DOCK10: variants seen among roughly 807,000 people sequenced by gnomAD.
DOCK10 encodes the protein dedicator of cytokinesis 10.
DOCK10 carries 145 observed loss-of-function variants against 280.1 expected under a neutral mutation model. The observed-to-expected ratio is 0.52, with a 90% confidence interval of 0.45 to 0.59. The LOEUF (loss-of-function observed/expected upper bound fraction) is 0.59. Among genes scored for constraint, DOCK10 ranks in the 20% least tolerant of loss-of-function variants. The pLI, the probability that DOCK10 is intolerant of heterozygous loss-of-function variation, is 0.00. For missense variants in DOCK10, 2,368 were observed against 2,651.7 expected (o/e 0.89, Z 2.35); for synonymous variants, 915 against 942.2 (o/e 0.97, Z 0.53).
intron 45 of DOCK10, among the ~76,000 whole-genome samples, chr2:224,793,946 G>A (rs1006266116): frequency 2.0e-5 from 3 of 151,972 alleles, no homozygotes; most frequent in East Asian, 1.9e-4. Flanking sequence ...TGTAACACCC[G>A]TGCTCCCCAC....
At chr2:224,865,323 A>G (rs1466546458) in intron 11 of DOCK10, among the ~76,000 whole-genome samples, 1 of 152,180 alleles carries the variant, frequency 6.6e-6, no homozygotes, top group Non-Finnish European at 1.5e-5. Context: ...ATTTACATGC[A>G]TGGTTGGGCC....
At chr2:224,862,940 TTTC>T (rs1559593230) in intron 13 of DOCK10, among the ~76,000 whole-genome samples, 194 bp from the exon 14 acceptor site, 1 of 152,230 alleles carries the variant, frequency 6.6e-6, no homozygotes, top group Non-Finnish European at 1.5e-5. Flanking sequence ...TTTTTCTTTC[TTTC>T]TTCTTAGTTT....
chr2:224,952,875 A>G (rs1703837934), intron 1 of DOCK10, among the ~76,000 whole-genome samples: 1 of 152,144 alleles, frequency 6.6e-6, no homozygotes, highest in Non-Finnish European at 1.5e-5. Context: ...TACAGGCGTG[A>G]GCCACCGCGC....
chr2:224,775,550 A>C (rs1690788988), intron 51 of DOCK10, among the ~76,000 whole-genome samples: 3 of 152,074 alleles, frequency 2.0e-5, no homozygotes, highest in African/African-American at 7.2e-5. Flanking sequence ...ATCTCGGCTC[A>C]CTGCAACCTC....
At chr2:224,836,067 T>C (rs978119987) in intron 25 of DOCK10, among the ~76,000 whole-genome samples, 3 of 152,248 alleles carry the variant, frequency 2.0e-5, no homozygotes, top group African/African-American at 7.2e-5. Flanking sequence ...CGGAGGGTTC[T>C]TAATGTAATT....
intron 7 of DOCK10, among the ~76,000 whole-genome samples, chr2:224,876,655 G>T (rs543694483): frequency 3.3e-5 from 5 of 152,134 alleles, no homozygotes; most frequent in Non-Finnish European, 7.4e-5. Flanking sequence ...ACTATCTTAA[G>T]GACTATTTCT....
intron 22 of DOCK10, among the ~76,000 whole-genome samples, chr2:224,842,575 G>A (rs541951461): frequency 6.6e-6 from 1 of 152,220 alleles, no homozygotes; most frequent in Non-Finnish European, 1.5e-5. Context: ...TTTCCCTCAG[G>A]CCACTGTGTG....
intron 28 of DOCK10, 108 bp downstream of exon 28, chr2:224,823,393 G>A: frequency 1.1e-6 from 1 of 947,214 alleles, no homozygotes; most frequent in Non-Finnish European, 1.5e-6. Context: ...GACAGTGCTA[G>A]TTTTGATTTT....
intron 37 of DOCK10, 41 bp from the exon 38 acceptor site, chr2:224,804,882 C>T (rs1693282846): frequency 7.1e-7 from 1 of 1,406,082 alleles, no homozygotes; most frequent in South Asian, 1.4e-5. Context: ...TATTCATATT[C>T]TTTTATTATA....
intron 27 of DOCK10, among the ~76,000 whole-genome samples, chr2:224,826,209 G>A (rs989383404): frequency 6.6e-6 from 1 of 152,110 alleles, no homozygotes; most frequent in South Asian, 2.1e-4. Flanking sequence ...GATTACAGGT[G>A]TGTGCCACCA....
At chr2:224,780,668 G>A (rs186633814) in intron 50 of DOCK10, among the ~76,000 whole-genome samples, 9 of 152,178 alleles carry the variant, frequency 5.9e-5, no homozygotes, top group Admixed American at 5.9e-4. Context: ...TTGGGAGTCC[G>A]AGGTGGGCGG....
intron 50 of DOCK10, chr2:224,784,784 G>T: frequency 7.8e-7 from 1 of 1,288,934 alleles, no homozygotes; most frequent in African/African-American, 1.5e-5. Flanking sequence ...GTAAACATCT[G>T]CATTAAAAAC....
chr2:224,951,319 G>A (rs905103673), intron 1 of DOCK10, among the ~76,000 whole-genome samples: 2 of 152,010 alleles, frequency 1.3e-5, no homozygotes, highest in Non-Finnish European at 2.9e-5. Flanking sequence ...AACATAATGG[G>A]TATTTGTCAT....
rs1419781108 is a variant in DOCK10, at chr2:224,874,157, A to C, written c.1102-6T>G. 6.3e-7 allele frequency: 1 copy of C among 1,583,476 alleles called. No homozygotes were observed. Among genetic ancestry groups the C allele is most frequent in the South Asian group, 1.2e-5 (1 of 85,840 alleles). ...TTTTTTTGAAGTTTCAAGGTCTAAA[A>C]AAGTTTTGAATGAGTCACCAAACAT... is the stretch of plus-strand genomic sequence containing the variant. On this transcript the variant is annotated splice_polypyrimidine_tract_variant and splice_region_variant and intron_variant, in intron 10 of 55. Transcript: ENST00000258390.
At position 224,796,950 on chromosome 2, in the gene DOCK10, T is replaced by C. The variant is rs778445957; in HGVS notation, c.4827+14A>G. 6 of 1,608,564 alleles carry C rather than the reference T, an allele frequency of 3.7e-6. No homozygotes were observed. The East Asian group carries it at 8.9e-5, about 24-fold the overall frequency. Reference sequence around the variant, plus strand: ...GTTTTAACAACAGCATTAATGAAAATTGGCAGCACTTACTTGTAAGTGGGA... The same window carrying C: ...GTTTTAACAACAGCATTAATGAAAACTGGCAGCACTTACTTGTAAGTGGGA... On this transcript the variant is annotated intron_variant, in intron 43 of 55. Coordinates refer to ENST00000258390, the MANE Select transcript of DOCK10 (RefSeq NM_014689.3).
intron 1 of DOCK10, among the ~76,000 whole-genome samples, chr2:224,947,529 A>C (rs1309174954): frequency 6.6e-6 from 1 of 152,250 alleles, no homozygotes; most frequent in Non-Finnish European, 1.5e-5. Flanking sequence ...TATATTGGCT[A>C]TCTAAATAAA....
intron 48 of DOCK10, 41 bp from the exon 49 acceptor site, chr2:224,787,438 G>A (rs1691811130): frequency 6.2e-7 from 1 of 1,606,596 alleles, no homozygotes; most frequent in Admixed American, 1.7e-5. Flanking sequence ...ACATGATTAG[G>A]GTTGTGGCTC....
chr2:224,998,317 A>ATGAC (rs1706328976), intron 1 of DOCK10, among the ~76,000 whole-genome samples: 1 of 151,404 alleles, frequency 6.6e-6, no homozygotes, highest in Non-Finnish European at 1.5e-5. Context: ...ATAAAAATGA[A>ATGAC]CAAGGAGCAA....
intron 1 of DOCK10, among the ~76,000 whole-genome samples, chr2:225,008,492 T>C (rs1689341937): frequency 6.6e-6 from 1 of 152,228 alleles, no homozygotes; most frequent in African/African-American, 2.4e-5. Flanking sequence ...TCAGCTGGCA[T>C]TTTCTTTTCC....
Sources: gnomAD v4.1 joint callset for allele counts (sites outside exome capture counted in the v4.1 genomes callset) on GRCh38, gnomAD v4.1.1 for gene constraint, MANE v1.5 for transcripts, NCBI Gene and HGNC (gene_info 2026-07-23, HGNC 2026-07-21) for gene names.